Variants in ANKS1B observed in about 807,000 individuals in gnomAD.
The protein encoded by ANKS1B is ankyrin repeat and sterile alpha motif domain-containing protein 1B.
In ANKS1B, 36 loss-of-function variants were observed where a neutral mutation model predicts 148.3. The observed-to-expected ratio is 0.24, with a 90% CI of 0.19 to 0.32. ANKS1B has a LOEUF of 0.32. Among genes scored for constraint, ANKS1B ranks in the 10% least tolerant of loss-of-function variants. The pLI is 1.00. For synonymous variants in ANKS1B, 542 were observed against 560.8 expected (o/e 0.97, Z 0.47); for missense variants, 1,157 against 1,542.6 (o/e 0.75, Z 4.19).
chr12:98,995,996 C>G (rs1439692533), intron 17 of ANKS1B, among the ~76,000 whole-genome samples: 1 of 152,144 alleles, frequency 6.6e-6, no homozygotes, highest in African/African-American at 2.4e-5. Context: ...CTAGCCATGG[C>G]TGGGGAAAGA....
At chr12:99,703,821 G>A (rs2055276452) in intron 8 of ANKS1B, among the ~76,000 whole-genome samples, 1 of 152,068 alleles carries the variant, frequency 6.6e-6, no homozygotes, top group South Asian at 2.1e-4. Context: ...CTGGCATAAT[G>A]GCAGTATCCC....
At chr12:99,919,791 A>C (rs527913750) in intron 1 of ANKS1B, among the ~76,000 whole-genome samples, 3 of 151,914 alleles carry the variant, frequency 2.0e-5, no homozygotes, top group South Asian at 4.2e-4. Flanking sequence ...AAAAAAAAAA[A>C]AAACCTGGAT....
chr12:99,659,543 A>G (rs2098465816), intron 8 of ANKS1B, among the ~76,000 whole-genome samples: 1 of 152,158 alleles, frequency 6.6e-6, no homozygotes, highest in Non-Finnish European at 1.5e-5. Context: ...AGGGAGACAA[A>G]CTTGAGCTCA....
At chr12:99,236,324 G>T (rs1315665296) in intron 14 of ANKS1B, among the ~76,000 whole-genome samples, 2 of 152,130 alleles carry the variant, frequency 1.3e-5, no homozygotes, top group Admixed American at 6.5e-5. Flanking sequence ...CCTGAGACTG[G>T]GTTATTTATA....
chr12:99,944,830 A>T (rs758652579), intron 1 of ANKS1B, among the ~76,000 whole-genome samples: 4 of 152,128 alleles, frequency 2.6e-5, no homozygotes, highest in Non-Finnish European at 5.9e-5. Context: ...AGGGATTGCT[A>T]GGGAAAAACT....
At chr12:99,127,283 T>C (rs1025242790) in intron 15 of ANKS1B, among the ~76,000 whole-genome samples, 1 of 152,156 alleles carries the variant, frequency 6.6e-6, no homozygotes, top group Non-Finnish European at 1.5e-5. Context: ...ACTCTCAAAG[T>C]AGTCCTCCGT....
intron 20 of ANKS1B, among the ~76,000 whole-genome samples, chr12:98,804,590 G>T (rs1171922366): frequency 1.3e-5 from 2 of 152,196 alleles, no homozygotes; most frequent in Middle Eastern, 3.2e-3. Flanking sequence ...CTGGGATTCA[G>T]CTGTACCTGG....
chr12:99,748,126 T>G (rs2060776182), intron 8 of ANKS1B, among the ~76,000 whole-genome samples: 1 of 152,126 alleles, frequency 6.6e-6, no homozygotes, highest in Non-Finnish European at 1.5e-5. Flanking sequence ...GGTACTGGGT[T>G]AAGTTTAAAT....
At chr12:99,590,132 A>G (rs951063743) in intron 9 of ANKS1B, among the ~76,000 whole-genome samples, 1 of 152,122 alleles carries the variant, frequency 6.6e-6, no homozygotes, top group Non-Finnish European at 1.5e-5. Flanking sequence ...TAAAAATTCC[A>G]ATTTTGAGCA....
intron 17 of ANKS1B, among the ~76,000 whole-genome samples, chr12:98,969,623 C>A (rs1031033186): frequency 7.2e-5 from 11 of 151,944 alleles, no homozygotes; most frequent in Admixed American, 5.2e-4. Context: ...AAAACAAATA[C>A]CACATGGGAT....
At chr12:99,216,064 A>C (rs1190731400) in intron 14 of ANKS1B, among the ~76,000 whole-genome samples, 1 of 152,180 alleles carries the variant, frequency 6.6e-6, no homozygotes, top group Non-Finnish European at 1.5e-5. Flanking sequence ...TGCTGTTCTC[A>C]TGATAGTGAA....
intron 24 of ANKS1B, among the ~76,000 whole-genome samples, chr12:98,775,585 C>T (rs1455220250): frequency 6.6e-6 from 1 of 151,900 alleles, no homozygotes; most frequent in Non-Finnish European, 1.5e-5. Flanking sequence ...GCTGGGACTA[C>T]AGGCATGCAC....
At chr12:98,840,254 C>T (rs564693047) in intron 17 of ANKS1B, among the ~76,000 whole-genome samples, 12 of 152,116 alleles carry the variant, frequency 7.9e-5, no homozygotes, top group South Asian at 6.2e-4. Flanking sequence ...TCCTTACATC[C>T]CACCATCTGT....
At chr12:99,938,745 A>G (rs2094842742) in intron 1 of ANKS1B, among the ~76,000 whole-genome samples, 1 of 152,146 alleles carries the variant, frequency 6.6e-6, no homozygotes, top group Non-Finnish European at 1.5e-5. Context: ...TGGCTGCCCA[A>G]TTAACAGATC....
chr12:99,553,928 A>G (rs965209218), intron 9 of ANKS1B, among the ~76,000 whole-genome samples: 3 of 152,192 alleles, frequency 2.0e-5, no homozygotes, highest in Non-Finnish European at 2.9e-5. Flanking sequence ...ACGATGGTCT[A>G]CTGTGTCTCA....
chr12:98,856,312 C>T (rs2099571219), intron 17 of ANKS1B, among the ~76,000 whole-genome samples: 1 of 152,080 alleles, frequency 6.6e-6, no homozygotes, highest in Admixed American at 6.6e-5. Flanking sequence ...TATTTTTGAA[C>T]CCATTCTCGG....
intron 12 of ANKS1B, among the ~76,000 whole-genome samples, chr12:99,380,380 AAC>A (rs1419243984): frequency 6.6e-6 from 1 of 151,936 alleles, no homozygotes; most frequent in Non-Finnish European, 1.5e-5. Flanking sequence ...ATAGTTAAAA[AAC>A]TTTTTTGAGC....
chr12:99,501,479 G>A (rs2096655154), intron 10 of ANKS1B, among the ~76,000 whole-genome samples: 1 of 152,092 alleles, frequency 6.6e-6, no homozygotes, highest in Non-Finnish European at 1.5e-5. Flanking sequence ...AATTTTGTGT[G>A]GCAATCTGTG....
intron 15 of ANKS1B, among the ~76,000 whole-genome samples, chr12:99,137,535 C>G (rs2068559182): frequency 6.6e-6 from 1 of 152,170 alleles, no homozygotes; most frequent in Admixed American, 6.5e-5. Context: ...CAAACCTATC[C>G]ATTCTCAGTT....
Sources: gnomAD v4.1 joint callset for allele counts (sites outside exome capture counted in the v4.1 genomes callset) on GRCh38, gnomAD v4.1.1 for gene constraint, MANE v1.5 for transcripts, NCBI Gene and HGNC (gene_info 2026-07-23, HGNC 2026-07-21) for gene names.